The following ZFHX3 variants were observed in gnomAD, a reference collection of about 807,000 sequenced individuals.
The protein encoded by ZFHX3 is zinc finger homeobox protein 3.
In ZFHX3, 42 loss-of-function variants were observed where a neutral mutation model predicts 279.1. The observed-to-expected ratio is 0.15, with a 90% CI of 0.12 to 0.19. ZFHX3 has a LOEUF of 0.19. ZFHX3 is among the 10% of genes least tolerant of loss of function. The pLI is 1.00. For missense variants in ZFHX3, 4,981 were observed against 4,754.0 expected, an observed-to-expected ratio of 1.05 and a Z score of -1.40; for synonymous variants, 2,293 against 1,957.8, an observed-to-expected ratio of 1.17 and a Z score of -4.52.
intron 4 of ZFHX3, among the ~76,000 whole-genome samples, chr16:73,278,830 T>C (rs563883112): frequency 1.3e-5 from 2 of 152,278 alleles, no homozygotes; most frequent in Admixed American, 6.5e-5. Context: ...TGGTGCATTT[T>C]ACAATCCCCT....
chr16:73,080,537 G>A (rs1270955429), intron 8 of ZFHX3, among the ~76,000 whole-genome samples: 3 of 152,058 alleles, frequency 2.0e-5, no homozygotes, highest in African/African-American at 4.8e-5. Context: ...GGTAGCACCT[G>A]GGAATCCACA....
chr16:73,237,475 G>A (rs561514616), intron 5 of ZFHX3, among the ~76,000 whole-genome samples: 1 of 148,036 alleles, frequency 6.8e-6, no homozygotes, highest in South Asian at 2.2e-4. Context: ...CTGCCCTCAA[G>A]CAAATCCTCC....
At chr16:73,129,569 G>T (rs1966636780) in intron 7 of ZFHX3, among the ~76,000 whole-genome samples, 1 of 151,798 alleles carries the variant, frequency 6.6e-6, no homozygotes, top group Admixed American at 6.6e-5. Context: ...AATGCATTCC[G>T]TTTACTGATA....
chr16:73,797,806 ACT>A lies in ZFHX3; in HGVS notation c.-1608+93843_-1608+93844del, dbSNP rs1491417098. Among the ~76,000 whole-genome samples, 5 of 124,052 alleles carry A rather than the reference ACT, an allele frequency of 4.0e-5. No homozygotes were observed. In the East Asian group the frequency reaches 1.2e-3, roughly 29 times the overall value. The allele number at this position is 124,052 out of a possible 152,430, so 81.4% of individuals were successfully genotyped here. A position where few individuals can be genotyped will look rare whatever the true frequency, so the allele number is the denominator to read the frequency against. ...TATGTATAGGACAAGCCTTCTGAAG[ACT>A]TTTTTTTTTTTTTTTTTTTTTTTGA... On this transcript the variant is annotated intron_variant, in intron 1 of 17. Coordinates refer to the ZFHX3 transcript ENST00000641206.
At chr16:73,789,454 A>T (rs1307883400) in intron 1 of ZFHX3, among the ~76,000 whole-genome samples, 1 of 152,190 alleles carries the variant, frequency 6.6e-6, no homozygotes, top group African/African-American at 2.4e-5. Context: ...TGCTGGGATT[A>T]CAGGCGTGAG....
chr16:73,596,478 G>A (rs1231649014), intron 2 of ZFHX3, among the ~76,000 whole-genome samples: 1 of 152,016 alleles, frequency 6.6e-6, no homozygotes, highest in African/African-American at 2.4e-5. Context: ...GCCTCACTGT[G>A]CTGGTCATCC....
At chr16:73,133,970 T>C (rs1966742451) in intron 6 of ZFHX3, among the ~76,000 whole-genome samples, 1 of 152,208 alleles carries the variant, frequency 6.6e-6, no homozygotes, top group African/African-American at 2.4e-5. Flanking sequence ...GCTGTAGTGA[T>C]AGCCGATACT....
At chr16:73,630,656 T>C (rs2052460043) in intron 2 of ZFHX3, among the ~76,000 whole-genome samples, 1 of 152,170 alleles carries the variant, frequency 6.6e-6, no homozygotes. Flanking sequence ...CACCAAGTTG[T>C]GACATAAGAG....
chr16:73,155,780 G>A (rs576925537), intron 5 of ZFHX3, among the ~76,000 whole-genome samples: 35 of 151,842 alleles, frequency 2.3e-4, no homozygotes, highest in Admixed American at 1.3e-3. Context: ...CCGAGATCGC[G>A]CCATTGCACT....
intron 1 of ZFHX3, among the ~76,000 whole-genome samples, chr16:73,771,759 T>C (rs368551948): frequency 1.4e-5 from 1 of 71,220 alleles, no homozygotes; most frequent in Admixed American, 1.1e-4. Context: ...CCTTAAAGAA[T>C]TTTTTTTTTT....
At chr16:73,478,365 G>A (rs1054631514) in intron 2 of ZFHX3, among the ~76,000 whole-genome samples, 9 of 151,690 alleles carry the variant, frequency 5.9e-5, no homozygotes, top group East Asian at 1.9e-4. Flanking sequence ...AAAGTCTGAT[G>A]CTCTACCAAC....
chr16:73,329,778 C>T (rs2015765084), intron 3 of ZFHX3, among the ~76,000 whole-genome samples: 1 of 152,184 alleles, frequency 6.6e-6, no homozygotes, highest in Non-Finnish European at 1.5e-5. Context: ...CAAAGGCCTT[C>T]CCGGCCTTGT....
At chr16:73,846,205 A>G (rs1215930595) in intron 1 of ZFHX3, among the ~76,000 whole-genome samples, 1 of 152,162 alleles carries the variant, frequency 6.6e-6, no homozygotes, top group Admixed American at 6.5e-5. Context: ...TACACCAAAG[A>G]GTGAATTTGA....
At chr16:73,497,576 A>G (rs985452665) in intron 2 of ZFHX3, among the ~76,000 whole-genome samples, 3 of 152,176 alleles carry the variant, frequency 2.0e-5, no homozygotes, top group African/African-American at 7.2e-5. Context: ...AGGCTGAGGC[A>G]GGAAGATCAC....
chr16:73,143,199 G>A (rs181299945), intron 6 of ZFHX3, among the ~76,000 whole-genome samples: 126 of 152,074 alleles, frequency 8.3e-4, no homozygotes, highest in African/African-American at 2.9e-3. Context: ...ATCCCTTGAC[G>A]GAGGTTAGAA....
intron 1 of ZFHX3, among the ~76,000 whole-genome samples, chr16:73,887,504 T>A (rs2030385235): frequency 1.3e-5 from 2 of 152,174 alleles, no homozygotes; most frequent in South Asian, 4.1e-4. Flanking sequence ...ACTTCCAAAA[T>A]GATGTACTCC....
chr16:73,160,576 G>A (rs748440481), intron 5 of ZFHX3, among the ~76,000 whole-genome samples: 9 of 152,006 alleles, frequency 5.9e-5, no homozygotes, highest in Non-Finnish European at 1.3e-4. Flanking sequence ...TCTACATAGA[G>A]GGTTTAACCC....
intron 5 of ZFHX3, among the ~76,000 whole-genome samples, chr16:73,242,640 T>C (rs1281243929): frequency 1.3e-5 from 2 of 152,234 alleles, no homozygotes; most frequent in East Asian, 3.8e-4. Context: ...ATTTGCAAGA[T>C]GCTCCCTTGG....
Position 73,871,494 on chromosome 16 carries a change from AAG to A in ZFHX3, c.-1608+20155_-1608+20156del, listed in dbSNP as rs552408513. 1.0e-3 allele frequency among the ~76,000 whole-genome samples: 157 copies of A among 149,600 alleles called. 1 individual carries two copies. The highest frequency in any genetic ancestry group is 3.2e-3 in the African/African-American group (127 of 40,034). ...TCCCTGGGAGGACAATAAAAAAAAA[AAG>A]AGAGAGAGAGAGAGAGAGTGTGTGT... On this transcript the variant is annotated intron_variant, in intron 1 of 17. Coordinates refer to the ZFHX3 transcript ENST00000641206.
Sources: allele counts gnomAD v4.1 joint callset (sites outside exome capture counted in the v4.1 genomes callset), GRCh38; gene constraint gnomAD v4.1.1; transcripts MANE v1.5; gene names NCBI Gene and HGNC (gene_info 2026-07-23, HGNC 2026-07-21).